GABRA5: variants seen among roughly 807,000 people sequenced by gnomAD.
GABRA5 encodes gamma-aminobutyric acid type A receptor subunit alpha5.
Under a neutral mutation model 47.3 loss-of-function variants are expected in GABRA5, and 18 were observed. The ratio of observed to expected loss-of-function variants is 0.38; its 90% CI spans 0.26 to 0.56. The LOEUF (loss-of-function observed/expected upper bound fraction) is 0.56, where lower values mean the gene tolerates loss of function less well. Among genes scored for constraint, GABRA5 ranks in the 20% least tolerant of loss-of-function variants. The pLI, the probability that GABRA5 is intolerant of heterozygous loss-of-function variation, is 0.71. For synonymous variants in GABRA5, 237 were observed against 229.3 expected, an observed-to-expected ratio of 1.03 and a Z score of -0.30; for missense variants, 365 against 599.3, an observed-to-expected ratio of 0.61 and a Z score of 4.08.
intron 7 of GABRA5, among the ~76,000 whole-genome samples, chr15:26,927,380 G>A (rs1482178443): frequency 6.6e-6 from 1 of 151,832 alleles, no homozygotes; most frequent in Non-Finnish European, 1.5e-5. Context: ...TCAAAGTGCT[G>A]GGATTACATG....
chr15:26,879,049 C>T (rs1005439380), intron 3 of GABRA5, among the ~76,000 whole-genome samples: 16 of 152,200 alleles, frequency 1.1e-4, no homozygotes, highest in African/African-American at 3.6e-4. Context: ...AGGGCTGTTA[C>T]CATCTAACAC....
At chr15:26,902,784 A>G (rs1893356710) in intron 6 of GABRA5, among the ~76,000 whole-genome samples, 1 of 152,100 alleles carries the variant, frequency 6.6e-6, no homozygotes, top group Non-Finnish European at 1.5e-5. Flanking sequence ...TTTATGGTAG[A>G]TTTTTAAAAA....
chr15:26,940,212 A>T, intron 9 of GABRA5, 135 bp downstream of exon 9: 1 of 708,968 alleles, frequency 1.4e-6, no homozygotes, highest in South Asian at 2.0e-5. Context: ...AAATTGACCC[A>T]CTAATTAAGA....
chr15:26,869,086 T>C, intron 2 of GABRA5, 89 bp from the exon 3 acceptor site: 1 of 589,526 alleles, frequency 1.7e-6, no homozygotes, highest in Non-Finnish European at 3.1e-6. Context: ...TCTTTGCAAA[T>C]TGTTGTGATA....
intron 6 of GABRA5, among the ~76,000 whole-genome samples, chr15:26,910,696 C>G (rs538642671): frequency 6.6e-6 from 1 of 152,094 alleles, no homozygotes; most frequent in African/African-American, 2.4e-5. Flanking sequence ...AATGTCTTAA[C>G]AGAAATTGGA....
Position 26,918,648 on chromosome 15 carries a change from C to T in GABRA5, c.580+3763C>T, listed in dbSNP as rs113508672. Among the ~76,000 whole-genome samples the T allele has an allele frequency of 7.7e-3, 1,175 of 152,228 alleles. 16 individuals are homozygous for T. Among genetic ancestry groups the T allele is most frequent in the African/African-American group, 0.027 (1,120 of 41,536 alleles). On this transcript the variant is annotated intron_variant, in intron 7 of 10. Coordinates refer to ENST00000335625, the MANE Select transcript of GABRA5 (RefSeq NM_000810.4). ...TGTTCTTACGTTGGGTGCATATTTACTTATAATTGTTATATCTCTCTGGTG... is the reference window on the plus strand; with the variant it reads ...TGTTCTTACGTTGGGTGCATATTTATTTATAATTGTTATATCTCTCTGGTG...
In GABRA5 at chr15:26,943,465, G is replaced by A. The variant is rs762019527; in HGVS notation, c.1089+39G>A. On this transcript the variant is annotated intron_variant, in intron 10 of 10. Transcript: ENST00000335625. ...CTCCTCCTTTCTTCCAGGTCCCCTT[G>A]ACAGAGAAAGTGTGCCTGATTCTAT... is the stretch of plus-strand genomic sequence containing the variant. The A allele has an allele frequency of 5.0e-5, 75 of 1,514,976 alleles. 2 individuals are homozygous for A. The South Asian group carries it at 7.8e-4, about 16-fold the overall frequency. 93.8% of individuals were successfully genotyped at this position (1,514,976 alleles called of 1,614,324 possible).
At chr15:26,921,517 T>A (rs572932338) in intron 7 of GABRA5, among the ~76,000 whole-genome samples, 2 of 152,310 alleles carry the variant, frequency 1.3e-5, no homozygotes, top group South Asian at 4.1e-4. Context: ...TAGAGGTTTT[T>A]CAATTTTATT....
intron 6 of GABRA5, among the ~76,000 whole-genome samples, chr15:26,894,325 G>A (rs1292439818): frequency 1.3e-5 from 2 of 152,154 alleles, no homozygotes; most frequent in African/African-American, 4.8e-5. Context: ...TGTGCGTCCA[G>A]GGGCCACCCC....
chr15:26,891,277 A>T (rs779695005), intron 6 of GABRA5, among the ~76,000 whole-genome samples: 1 of 152,176 alleles, frequency 6.6e-6, no homozygotes. Flanking sequence ...TCCTAGTGAA[A>T]CAGAAACCAG....
chr15:26,944,189 A>G (rs1275341866), intron 10 of GABRA5, among the ~76,000 whole-genome samples: 1 of 152,186 alleles, frequency 6.6e-6, no homozygotes, highest in Non-Finnish European at 1.5e-5. Flanking sequence ...AAGGCATTAG[A>G]GAGGCCTCGA....
chr15:26,911,628 G>T (rs1649019701), intron 6 of GABRA5, among the ~76,000 whole-genome samples: 1 of 152,162 alleles, frequency 6.6e-6, no homozygotes, highest in African/African-American at 2.4e-5. Context: ...CTGGCAGAGT[G>T]CCTCACGGGG....
chr15:26,920,315 C>T (rs1398525480), intron 7 of GABRA5, among the ~76,000 whole-genome samples: 8 of 151,560 alleles, frequency 5.3e-5, no homozygotes, highest in Admixed American at 4.0e-4. Context: ...TCTTCTTGCT[C>T]CTCTGACTGA....
chr15:26,885,804 G>A (rs574295579), intron 6 of GABRA5, among the ~76,000 whole-genome samples: 5 of 152,254 alleles, frequency 3.3e-5, no homozygotes, highest in East Asian at 1.9e-4. Flanking sequence ...GACAGAGGCC[G>A]AGGTGTTGGA....
At position 26,884,704 on chromosome 15, in the gene GABRA5, A is replaced by G. The variant is rs183720043; in HGVS notation, c.497+1147A>G. 2.5e-4 allele frequency among the ~76,000 whole-genome samples: 38 copies of G among 151,304 alleles called. 1 individual carries two copies. The highest frequency in any genetic ancestry group is 6.8e-4 in the African/African-American group (28 of 41,132). ...CACTGTGTCCTGTTGATTAAAGGGGAAAAAAAAATCAAGCTTTTAAAGAAC... is the reference window on the plus strand; with the variant it reads ...CACTGTGTCCTGTTGATTAAAGGGGGAAAAAAAATCAAGCTTTTAAAGAAC... On this transcript the variant is annotated intron_variant, in intron 6 of 10. Coordinates refer to ENST00000335625, the MANE Select transcript of GABRA5 (RefSeq NM_000810.4).
intron 6 of GABRA5, among the ~76,000 whole-genome samples, chr15:26,894,517 G>A (rs190841926): frequency 6.6e-6 from 1 of 152,130 alleles, no homozygotes; most frequent in Non-Finnish European, 1.5e-5. Context: ...TCAGATGGCT[G>A]TTCTTTGTCA....
At chr15:26,936,811 C>G (rs921344576) in intron 7 of GABRA5, among the ~76,000 whole-genome samples, 1 of 152,140 alleles carries the variant, frequency 6.6e-6, no homozygotes. Context: ...TGTTTTTATC[C>G]CATTCTATGA....
At chr15:26,943,120 T>C (rs41307114) in intron 9 of GABRA5, 95 bp from the exon 10 acceptor site, 161 of 788,532 alleles carry the variant, frequency 2.0e-4, no homozygotes, top group Non-Finnish European at 3.1e-4. Context: ...TAGTCCCCTT[T>C]GTGTCTATCA....
At chr15:26,870,132 G>A (rs1225244244) in intron 3 of GABRA5, among the ~76,000 whole-genome samples, 5 of 152,144 alleles carry the variant, frequency 3.3e-5, no homozygotes, top group African/African-American at 4.8e-5. Flanking sequence ...GTTGCCAAGC[G>A]TTAGTGCTGC....
Sources: gnomAD v4.1 joint callset for allele counts (sites outside exome capture counted in the v4.1 genomes callset) on GRCh38, gnomAD v4.1.1 for gene constraint, MANE v1.5 for transcripts, NCBI Gene and HGNC (gene_info 2026-07-23, HGNC 2026-07-21) for gene names.